The following DIP2C variants were observed in gnomAD, a reference collection of about 807,000 sequenced individuals.
DIP2C encodes the protein DIP2 acetate--CoA ligase C (putative), also known as disco-interacting protein 2 homolog C.
DIP2C carries 33 observed loss-of-function variants against 192.4 expected under a neutral mutation model. The observed-to-expected ratio is 0.17, with a 90% confidence interval of 0.13 to 0.23. DIP2C has a LOEUF of 0.23. Ranked by LOEUF, DIP2C falls within the 10% of genes least tolerant of loss-of-function variation. The probability of loss-of-function intolerance (pLI) is 1.00; values close to 1 mark genes in which losing one functional copy is unlikely to be tolerated. For missense variants in DIP2C, 1,537 were observed against 2,110.1 expected (o/e 0.73, Z 5.32); for synonymous variants, 979 against 864.1 (o/e 1.13, Z -2.33).
rs1191238253 is a variant in DIP2C, at chr10:466,357, T to A, written c.268+6082A>T. 2.8e-3 allele frequency among the ~76,000 whole-genome samples: 375 copies of A among 134,096 alleles called. 1 individual carries two copies. Among genetic ancestry groups the A allele is most frequent in the African/African-American group, 9.5e-3 (353 of 37,218 alleles). The allele number at this position is 134,096 out of a possible 152,430, so 88.0% of individuals were successfully genotyped here. ...CCATATGTAGAAAGCTGAAACTGGATCCCTTCCTTACACCTTATACAAAAA... is the reference window on the plus strand; with the variant it reads ...CCATATGTAGAAAGCTGAAACTGGAACCCTTCCTTACACCTTATACAAAAA... On this transcript the variant is annotated intron_variant, in intron 3 of 36. Coordinates refer to ENST00000280886, the MANE Select transcript of DIP2C (RefSeq NM_014974.3).
At position 366,386 on chromosome 10, in the gene DIP2C, G is replaced by A. The variant is rs200662111; in HGVS notation, c.2157C>T (p.Asp719=). 10 of 1,614,210 alleles carry A rather than the reference G, an allele frequency of 6.2e-6. No homozygotes were observed. The highest frequency in any genetic ancestry group is 1.3e-5 in the African/African-American group (1 of 75,044). ...PGAIMCSVKP[D]GVPQLCRTDE... ...CCGTTCTGCACAGCTGAGGAACCCCGTCTGGCTTCACTGAACACATGATGG... is the reference window on the plus strand; with the variant it reads ...CCGTTCTGCACAGCTGAGGAACCCCATCTGGCTTCACTGAACACATGATGG... Residue 719 remains aspartate, a synonymous_variant, in exon 19 of 37, where the codon GAC becomes GAT. Coordinates refer to ENST00000280886, the MANE Select transcript of DIP2C (RefSeq NM_014974.3).
chr10:473,636 GCT>G (rs1215253842), intron 2 of DIP2C, among the ~76,000 whole-genome samples: 1 of 152,078 alleles, frequency 6.6e-6, no homozygotes, highest in Non-Finnish European at 1.5e-5. Context: ...TCCGTGAACG[GCT>G]CTGATACCAC....
At chr10:305,247 G>C (rs1270654129) in intron 32 of DIP2C, among the ~76,000 whole-genome samples, 1 of 152,144 alleles carries the variant, frequency 6.6e-6, no homozygotes, top group East Asian at 1.9e-4. Context: ...GCTCGCACAT[G>C]TACAAACTCA....
intron 31 of DIP2C, among the ~76,000 whole-genome samples, chr10:313,414 C>T (rs187389446): frequency 9.1e-4 from 139 of 152,324 alleles, no homozygotes; most frequent in East Asian, 1.3e-3. Context: ...AAGCAGTCAG[C>T]CTTCCATATC....
At chr10:318,140 G>A (rs1043814993) in intron 31 of DIP2C, among the ~76,000 whole-genome samples, 1 of 152,192 alleles carries the variant, frequency 6.6e-6, no homozygotes, top group African/African-American at 2.4e-5. Flanking sequence ...GATGCTGGAT[G>A]GCGAAAGGGA....
chr10:638,042 C>G (rs1360797951), intron 1 of DIP2C, among the ~76,000 whole-genome samples: 1 of 152,218 alleles, frequency 6.6e-6, no homozygotes, highest in African/African-American at 2.4e-5. Flanking sequence ...CCCTTCCTTC[C>G]TCTTCTGAAG....
At chr10:399,260 C>T (rs745330929) in intron 9 of DIP2C, 41 bp from the exon 10 acceptor site, 3 of 1,549,640 alleles carry the variant, frequency 1.9e-6, no homozygotes, top group Admixed American at 1.7e-5. Flanking sequence ...AACGTGGGGT[C>T]CTGGCTTCCT....
At chr10:599,790 G>A (rs981645452) in intron 1 of DIP2C, among the ~76,000 whole-genome samples, 3 of 152,184 alleles carry the variant, frequency 2.0e-5, no homozygotes, top group African/African-American at 4.8e-5. Flanking sequence ...TCCTGCTTTT[G>A]AGGAGAGGGG....
chr10:279,252 T>C (rs1271016587), intron 36 of DIP2C, among the ~76,000 whole-genome samples: 2 of 152,228 alleles, frequency 1.3e-5, no homozygotes, highest in Non-Finnish European at 1.5e-5. Context: ...ACATGGCCCA[T>C]GTGAGCCCAC....
intron 1 of DIP2C, among the ~76,000 whole-genome samples, chr10:589,717 C>T (rs1851292362): frequency 6.6e-6 from 1 of 152,134 alleles, no homozygotes; most frequent in Non-Finnish European, 1.5e-5. Flanking sequence ...GAAGCAAAAA[C>T]CACACTAGAA....
intron 1 of DIP2C, among the ~76,000 whole-genome samples, chr10:568,603 T>A (rs1418138417): frequency 1.3e-5 from 2 of 151,328 alleles, no homozygotes; most frequent in African/African-American, 4.9e-5. Flanking sequence ...CCGTCTCTAC[T>A]AAAAATACAA....
At chr10:553,758 G>T (rs1205313004) in intron 1 of DIP2C, among the ~76,000 whole-genome samples, 1 of 151,574 alleles carries the variant, frequency 6.6e-6, no homozygotes, top group African/African-American at 2.4e-5. Context: ...CGGCAAACAG[G>T]CAAGAAATAT....
chr10:439,252 T>C (rs900111760), intron 4 of DIP2C, among the ~76,000 whole-genome samples: 3 of 151,138 alleles, frequency 2.0e-5, no homozygotes, highest in Non-Finnish European at 4.4e-5. Context: ...AGCACGGCGT[T>C]CACTCCCTTG....
At chr10:466,758 T>C (rs1970232102) in intron 3 of DIP2C, among the ~76,000 whole-genome samples, 1 of 151,474 alleles carries the variant, frequency 6.6e-6, no homozygotes, top group Non-Finnish European at 1.5e-5. Flanking sequence ...AAGACATTTA[T>C]GCAGCCAAAA....
rs567512644 is a variant in DIP2C at position 334,709 on chromosome 10, G to T, written c.3585-5108C>A. 2.0e-5 allele frequency among the ~76,000 whole-genome samples: 3 copies of T among 152,260 alleles called. No individual in the cohort carries two copies. The South Asian group carries it at 6.2e-4, about 32-fold the overall frequency. On this transcript the variant is annotated intron_variant, in intron 29 of 36. Transcript: ENST00000280886. ...AACTTTTCTTCATTGAATTGCTCGG[G>T]TAACTCTATTAAAAAATTATTTGAC...
intron 26 of DIP2C, among the ~76,000 whole-genome samples, chr10:345,488 C>G (rs932524445): frequency 1.3e-5 from 2 of 149,528 alleles, no homozygotes; most frequent in African/African-American, 4.9e-5. Context: ...AGGCACATCG[C>G]GCACAGTTCT....
intron 29 of DIP2C, among the ~76,000 whole-genome samples, chr10:335,980 C>T (rs1370627613): frequency 2.0e-5 from 3 of 152,132 alleles, no homozygotes; most frequent in African/African-American, 7.2e-5. Flanking sequence ...CTTACTGCAA[C>T]CTCAACCACC....
intron 1 of DIP2C, among the ~76,000 whole-genome samples, chr10:625,056 A>C (rs927437449): frequency 1.4e-4 from 22 of 152,148 alleles, no homozygotes; most frequent in African/African-American, 4.6e-4. Context: ...CTGGAGCCGC[A>C]CTATGGGCAC....
intron 3 of DIP2C, among the ~76,000 whole-genome samples, chr10:452,793 A>G (rs912712877): frequency 6.6e-6 from 1 of 152,188 alleles, no homozygotes; most frequent in Non-Finnish European, 1.5e-5. Context: ...AAAAGGCCGC[A>G]TGTCCACTGG....
Sources: allele counts gnomAD v4.1 joint callset (sites outside exome capture counted in the v4.1 genomes callset), GRCh38; gene constraint gnomAD v4.1.1; transcripts MANE v1.5; gene names NCBI Gene and HGNC (gene_info 2026-07-23, HGNC 2026-07-21).